The following PCSK6 variants were observed in gnomAD, a reference collection of about 807,000 sequenced individuals.
PCSK6 encodes the protein proprotein convertase subtilisin/kexin type 6, also known as paired basic amino acid cleaving enzyme 4.
Under a neutral mutation model 123.3 loss-of-function variants are expected in PCSK6, and 85 were observed. The observed-to-expected ratio is 0.69, with a 90% CI of 0.58 to 0.83. The LOEUF (loss-of-function observed/expected upper bound fraction) is 0.83. Ranked by LOEUF, PCSK6 falls within the 40% of genes least tolerant of loss-of-function variation. The pLI, the probability that PCSK6 is intolerant of heterozygous loss-of-function variation, is 0.00. For synonymous variants in PCSK6, 508 were observed against 516.0 expected (o/e 0.98, Z 0.21); for missense variants, 1,191 against 1,282.3 (o/e 0.93, Z 1.09).
chr15:101,310,010 A>G (rs1002862608), intron 20 of PCSK6, among the ~76,000 whole-genome samples: 5 of 152,196 alleles, frequency 3.3e-5, no homozygotes, highest in African/African-American at 1.2e-4. Context: ...GTCTGGCCAC[A>G]TGCTCCCTCG....
chr15:101,406,524 A>C (rs968214206), intron 6 of PCSK6, among the ~76,000 whole-genome samples: 1 of 152,176 alleles, frequency 6.6e-6, no homozygotes, highest in African/African-American at 2.4e-5. Flanking sequence ...TTTTTCAGTA[A>C]AACTATAGCA....
At chr15:101,385,301 A>G (rs1263357150) in intron 9 of PCSK6, among the ~76,000 whole-genome samples, 4 of 152,174 alleles carry the variant, frequency 2.6e-5, no homozygotes, top group African/African-American at 9.7e-5. Context: ...TACAGGTGTG[A>G]GCCACCACAC....
At chr15:101,350,198 A>C (rs2040854300) in intron 13 of PCSK6, among the ~76,000 whole-genome samples, 1 of 152,104 alleles carries the variant, frequency 6.6e-6, no homozygotes, top group South Asian at 2.1e-4. Flanking sequence ...GAGACAACGC[A>C]CCTGGCCTTT....
At chr15:101,316,252 A>G (rs1180151666) in intron 19 of PCSK6, 1 of 152,230 alleles carries the variant, frequency 6.6e-6, no homozygotes, top group East Asian at 1.9e-4. Context: ...CCAGGAGCTT[A>G]GAAAGAACCC....
intron 1 of PCSK6, among the ~76,000 whole-genome samples, chr15:101,487,251 C>G (rs947807521): frequency 1.4e-4 from 21 of 152,280 alleles, no homozygotes; most frequent in Admixed American, 9.8e-4. Context: ...ACCAGCTAAT[C>G]TCTGTTAGTG....
intron 2 of PCSK6, among the ~76,000 whole-genome samples, chr15:101,441,852 T>C (rs2056762619): frequency 6.6e-6 from 1 of 152,178 alleles, no homozygotes; most frequent in South Asian, 2.1e-4. Context: ...ACACGGCAGA[T>C]CAAGTGCTTG....
intron 6 of PCSK6, among the ~76,000 whole-genome samples, chr15:101,412,869 T>A (rs1483872075): frequency 3.3e-5 from 5 of 151,668 alleles, no homozygotes; most frequent in African/African-American, 1.2e-4. Flanking sequence ...ACACCTGTAA[T>A]CCCAGCCCTT....
At chr15:101,313,284 C>T (rs577718016) in intron 20 of PCSK6, 92 bp downstream of exon 20, 56 of 1,601,782 alleles carry the variant, frequency 3.5e-5, no homozygotes, top group Middle Eastern at 3.3e-4. Flanking sequence ...ATGCCCTCCC[C>T]GGCCCCTGGG....
intron 8 of PCSK6, among the ~76,000 whole-genome samples, chr15:101,392,984 C>G (rs2042277504): frequency 6.6e-6 from 1 of 152,188 alleles, no homozygotes; most frequent in African/African-American, 2.4e-5. Flanking sequence ...AGGGGTTTAA[C>G]TGCTATTTCT....
chr15:101,318,270 C>T (rs2040037432), intron 19 of PCSK6, 49 bp downstream of exon 19: 1 of 1,365,550 alleles, frequency 7.3e-7, no homozygotes, highest in Non-Finnish European at 1.0e-6. Context: ...GGCAGCTAGC[C>T]TACGCTTGGG....
intron 1 of PCSK6, among the ~76,000 whole-genome samples, chr15:101,457,507 A>C (rs557034110): frequency 6.6e-6 from 1 of 152,384 alleles, no homozygotes; most frequent in East Asian, 1.9e-4. Flanking sequence ...CTTAAAGAAA[A>C]GAACAAGGAT....
intron 1 of PCSK6, among the ~76,000 whole-genome samples, chr15:101,445,500 C>A (rs2056865374): frequency 6.6e-6 from 1 of 152,200 alleles, no homozygotes; most frequent in Non-Finnish European, 1.5e-5. Flanking sequence ...ATTATTTCTG[C>A]CCTATTTTGC....
chr15:101,398,382 C>A lies in PCSK6; in HGVS notation c.996+22G>T, dbSNP rs1394631024. 6.3e-7 allele frequency: 1 copy of A among 1,597,264 alleles called. No homozygotes were observed. The highest frequency in any genetic ancestry group is 2.2e-5 in the East Asian group (1 of 44,512). On this transcript the variant is annotated intron_variant, in intron 7 of 21. Coordinates refer to ENST00000611716, the MANE Select transcript of PCSK6 (RefSeq NM_002570.5). The surrounding 1 kb of genome is among the most constrained non-coding windows in gnomAD (Gnocchi z 4.6). ...GTCACCCTTGTCCCAGAGCGCTCCC[C>A]TGTAGCCCTGGTTACTCACACCTTT...
intron 1 of PCSK6, among the ~76,000 whole-genome samples, chr15:101,457,980 A>G (rs1313423619): frequency 1.3e-5 from 2 of 152,124 alleles, no homozygotes; most frequent in Non-Finnish European, 2.9e-5. Context: ...ACCAGCGCTG[A>G]CATCTGGTGT....
chr15:101,484,392 TTTTTG>T (rs1265034144), intron 1 of PCSK6, among the ~76,000 whole-genome samples: 1 of 152,214 alleles, frequency 6.6e-6, no homozygotes, highest in South Asian at 2.1e-4. Flanking sequence ...CTTGTTTTTG[TTTTTG>T]TTTTGAGACA....
chr15:101,364,764 A>G, intron 13 of PCSK6: 1 of 451,620 alleles, frequency 2.2e-6, no homozygotes, highest in South Asian at 6.6e-5. Context: ...AATCTCTACC[A>G]GAATTCCAAC....
At chr15:101,406,352 T>C (rs919648725) in intron 6 of PCSK6, among the ~76,000 whole-genome samples, 1 of 152,192 alleles carries the variant, frequency 6.6e-6, no homozygotes, top group Non-Finnish European at 1.5e-5. Flanking sequence ...TATTTTGCCT[T>C]CAGCGAATGA....
intron 6 of PCSK6, among the ~76,000 whole-genome samples, chr15:101,424,977 C>CT (rs544149527): frequency 8.5e-5 from 13 of 152,272 alleles, no homozygotes; most frequent in South Asian, 2.1e-4. Context: ...CTCAGCATGT[C>CT]TTTGGAGGGA....
intron 6 of PCSK6, among the ~76,000 whole-genome samples, chr15:101,422,873 A>G (rs377528803): frequency 0.02 from 3,028 of 152,294 alleles, 109 homozygotes; most frequent in African/African-American, 0.069. Flanking sequence ...CACCCGCCTC[A>G]GCCTCCCACA....
Sources: gnomAD v4.1 joint callset for allele counts (sites outside exome capture counted in the v4.1 genomes callset) on GRCh38, gnomAD v4.1.1 for gene constraint, Gnocchi (gnomAD v3.1) non-coding constraint, MANE v1.5 for transcripts, NCBI Gene and HGNC (gene_info 2026-07-23, HGNC 2026-07-21) for gene names.